The following MAP2K5 variants were observed in gnomAD, a reference collection of about 807,000 sequenced individuals.
MAP2K5 encodes the protein dual specificity mitogen-activated protein kinase kinase 5.
MAP2K5 carries 49 observed loss-of-function variants against 83.1 expected under a neutral mutation model. The ratio of observed to expected loss-of-function variants is 0.59; its 90% CI spans 0.47 to 0.75. MAP2K5 has a LOEUF of 0.75. Ranked by LOEUF, MAP2K5 falls within the 30% of genes least tolerant of loss-of-function variation. The probability of loss-of-function intolerance (pLI) is 0.00; values close to 1 mark genes in which losing one functional copy is unlikely to be tolerated. For synonymous variants in MAP2K5, 202 were observed against 191.8 expected (o/e 1.05, Z -0.44); for missense variants, 457 against 557.5 (o/e 0.82, Z 1.82).
intron 3 of MAP2K5, among the ~76,000 whole-genome samples, chr15:67,578,777 A>G (rs1261289173): frequency 6.6e-6 from 1 of 152,178 alleles, no homozygotes; most frequent in Non-Finnish European, 1.5e-5. Context: ...TGTGAGGTAA[A>G]TAAATAAAGC....
intron 8 of MAP2K5, chr15:67,627,984 A>G: frequency 1.3e-6 from 1 of 748,528 alleles, no homozygotes; most frequent in Non-Finnish European, 2.3e-6. Context: ...GACTGTGGTA[A>G]TGAGAGATCC....
chr15:67,626,548 A>T (rs1436528916), intron 8 of MAP2K5, among the ~76,000 whole-genome samples: 1 of 152,054 alleles, frequency 6.6e-6, no homozygotes, highest in Non-Finnish European at 1.5e-5. Context: ...CAAACAAAAA[A>T]CATAATATAG....
rs777941816 is a variant in MAP2K5 at position 67,703,498 on chromosome 15, A to G, written c.1044+90A>G. On this transcript the variant is annotated intron_variant, in intron 16 of 21. Coordinates refer to ENST00000178640, the MANE Select transcript of MAP2K5 (RefSeq NM_145160.3). ...GAAGATTTTGAAAGAATAAGCTAAA[A>G]TAAACCTTCAGCATGTTATATAGAT... 5.8e-5 allele frequency: 62 copies of G among 1,064,732 alleles called. No individual in the cohort carries two copies. In the African/African-American group the frequency reaches 8.7e-4, roughly 15 times the overall value. 66.0% of individuals were successfully genotyped at this position (1,064,732 alleles called of 1,614,324 possible). A position where few individuals can be genotyped will look rare whatever the true frequency, so the allele number is the denominator to read the frequency against.
intron 8 of MAP2K5, among the ~76,000 whole-genome samples, chr15:67,613,385 A>C (rs1220781364): frequency 6.6e-6 from 1 of 152,202 alleles, no homozygotes; most frequent in Non-Finnish European, 1.5e-5. Context: ...CAGCCAAGGA[A>C]TGTTTGTTTC....
rs1247041423 is a variant in MAP2K5 at position 67,764,213 on chromosome 15, C to T, written c.1135-5389C>T. Among the ~76,000 whole-genome samples, 3 of 152,190 alleles carry T rather than the reference C, an allele frequency of 2.0e-5. No individual in the cohort carries two copies. Among genetic ancestry groups the T allele is most frequent in the African/African-American group, 4.8e-5 (2 of 41,448 alleles). ...ATATTTGAGAGGTTGTCCCATCTTCCTTTGCTTTACTGCCAGTATGCATAA... is the reference window on the plus strand; with the variant it reads ...ATATTTGAGAGGTTGTCCCATCTTCTTTTGCTTTACTGCCAGTATGCATAA... On this transcript the variant is annotated intron_variant, in intron 19 of 21. Coordinates refer to ENST00000178640, the MANE Select transcript of MAP2K5 (RefSeq NM_145160.3). The surrounding 1 kb of genome is among the most constrained non-coding windows in gnomAD (Gnocchi z 4.9).
intron 1 of MAP2K5, chr15:67,549,157 C>T (rs1412698866): frequency 2.0e-6 from 3 of 1,535,504 alleles, no homozygotes; most frequent in Non-Finnish European, 2.6e-6. Context: ...ATGAGGTTTG[C>T]AGGCCATTGG....
intron 8 of MAP2K5, among the ~76,000 whole-genome samples, chr15:67,629,694 CACTT>C (rs34890838): frequency 0.82 from 123,736 of 151,542 alleles, 50,673 homozygotes; most frequent in Admixed American, 0.88. Flanking sequence ...CCTATCCTAA[CACTT>C]ACCAGATGAG....
intron 13 of MAP2K5, 135 bp downstream of exon 13, chr15:67,664,780 A>G (rs558421841): frequency 6.7e-5 from 34 of 510,020 alleles, no homozygotes; most frequent in African/African-American, 6.0e-4. Flanking sequence ...TGGCTGCTCT[A>G]TAAATGTTAT....
rs1380891525 is a variant in MAP2K5 at position 67,668,171 on chromosome 15, A to G, written c.847+3526A>G. On this transcript the variant is annotated intron_variant, in intron 13 of 21. Coordinates refer to ENST00000178640, the MANE Select transcript of MAP2K5 (RefSeq NM_145160.3). This position sits in a 1 kb window ranked among gnomAD's most constrained non-coding sequence, Gnocchi z 4.0. ...GTGCAGGGACTTTATAAACTATTGA[A>G]TGCTAAGAATGTGGCATGTTTTTAT... 1.3e-5 allele frequency among the ~76,000 whole-genome samples: 2 copies of G among 152,160 alleles called. No individual in the cohort carries two copies. Among genetic ancestry groups the G allele is most frequent in the Non-Finnish European group, 1.5e-5 (1 of 68,018 alleles).
At position 67,719,731 on chromosome 15, in the gene MAP2K5, T is replaced by C. The variant is rs536199783; in HGVS notation, c.1045-8185T>C. Among the ~76,000 whole-genome samples the C allele has an allele frequency of 2.0e-5, 3 of 152,228 alleles. No homozygotes were observed. The South Asian group carries it at 6.2e-4, about 32-fold the overall frequency. On this transcript the variant is annotated intron_variant, in intron 16 of 21. Transcript: ENST00000178640. This position sits in a 1 kb window ranked among gnomAD's most constrained non-coding sequence, Gnocchi z 4.6. ...GGCTGGAAATCTATCTACTCATCTG[T>C]TGCAACATCTCAGATTCCAGATAGG...
intron 11 of MAP2K5, among the ~76,000 whole-genome samples, chr15:67,647,885 G>T (rs977449691): frequency 1.3e-5 from 2 of 150,852 alleles, no homozygotes; most frequent in Non-Finnish European, 3.0e-5. Flanking sequence ...AATAAAAAAA[G>T]GAAAATTAGC....
chr15:67,615,149 C>T (rs966037796), intron 8 of MAP2K5, among the ~76,000 whole-genome samples: 1 of 152,094 alleles, frequency 6.6e-6, no homozygotes, highest in African/African-American at 2.4e-5. Flanking sequence ...AGGCACGTGC[C>T]ACCACGCCCT....
rs958797834 is a variant in MAP2K5 at position 67,708,678 on chromosome 15, G to A, written c.1044+5270G>A. ...GAAGTGACAGGGTTCCTCCTTGCCT[G>A]CCTTCTTCCTCCTGCCCATTGCCTT... On this transcript the variant is annotated intron_variant, in intron 16 of 21. Transcript: ENST00000178640. The surrounding 1 kb of genome is among the most constrained non-coding windows in gnomAD (Gnocchi z 4.9). Among the ~76,000 whole-genome samples, 1 of 152,000 alleles carries A rather than the reference G, an allele frequency of 6.6e-6. No individual in the cohort carries two copies.
In MAP2K5 at chr15:67,768,446, C is replaced by T. The variant is rs1375218110; in HGVS notation, c.1135-1156C>T. On this transcript the variant is annotated intron_variant, in intron 19 of 21. Coordinates refer to ENST00000178640, the MANE Select transcript of MAP2K5 (RefSeq NM_145160.3). The surrounding 1 kb of genome is among the most constrained non-coding windows in gnomAD (Gnocchi z 4.0). ...TGCTAGAGAAATTGTTTGGCTCCCA[C>T]CAAATGCTGCATGCTCTGAGTTTCT... 6.6e-6 allele frequency among the ~76,000 whole-genome samples: 1 copy of T among 152,180 alleles called. No homozygotes were observed. Among genetic ancestry groups the T allele is most frequent in the African/African-American group, 2.4e-5 (1 of 41,450 alleles).
At chr15:67,566,701 T>TC (rs2084847606) in intron 3 of MAP2K5, among the ~76,000 whole-genome samples, 1 of 152,238 alleles carries the variant, frequency 6.6e-6, no homozygotes, top group African/African-American at 2.4e-5. Context: ...AATTACTTTT[T>TC]CCCCCTCTTG....
intron 4 of MAP2K5, among the ~76,000 whole-genome samples, chr15:67,582,055 A>ATTTTTTTTTTTTTTTTTT (rs1233297576): frequency 7.4e-6 from 1 of 134,866 alleles, no homozygotes. Flanking sequence ...GATGTAGATG[A>ATTTTTTTTTTTTTTTTTT]TTTCTTTTTT....
At chr15:67,805,582 G>A (rs1237882840) in intron 21 of MAP2K5, among the ~76,000 whole-genome samples, 3 of 141,444 alleles carry the variant, frequency 2.1e-5, no homozygotes, top group Non-Finnish European at 4.6e-5. Flanking sequence ...AGGGGCTGAG[G>A]AAGCTGGAGG....
rs374990558 is a variant in MAP2K5, at chr15:67,785,035, G to A, written c.1242+12283G>A. On this transcript the variant is annotated intron_variant, in intron 21 of 21. Coordinates refer to ENST00000178640, the MANE Select transcript of MAP2K5 (RefSeq NM_145160.3). This position sits in a 1 kb window ranked among gnomAD's most constrained non-coding sequence, Gnocchi z 4.4. ...GCTCAGTGCAGCCTCAATCTCCCAG[G>A]CTCAGGTGATCCTCCTACCTCAGCA... Among the ~76,000 whole-genome samples the A allele has an allele frequency of 3.9e-5, 6 of 152,174 alleles. No individual in the cohort carries two copies. The East Asian group carries it at 1.2e-3, about 29-fold the overall frequency.
At chr15:67,789,486 G>A (rs2090477175) in intron 21 of MAP2K5, among the ~76,000 whole-genome samples, 2 of 152,160 alleles carry the variant, frequency 1.3e-5, no homozygotes, top group South Asian at 4.1e-4. Flanking sequence ...TGGGAGGCCA[G>A]GTGGATCACC....
Sources: allele counts gnomAD v4.1 joint callset (sites outside exome capture counted in the v4.1 genomes callset), GRCh38; gene constraint gnomAD v4.1.1; non-coding constraint Gnocchi (gnomAD v3.1); transcripts MANE v1.5; gene names NCBI Gene and HGNC (gene_info 2026-07-23, HGNC 2026-07-21).